Variants in ZNF521 observed in about 807,000 individuals in gnomAD.
The protein encoded by ZNF521 is zinc finger protein 521.
In ZNF521, 14 loss-of-function variants were observed where a neutral mutation model predicts 105.5. The ratio of observed to expected loss-of-function variants is 0.13; its 90% CI spans 0.09 to 0.21. The LOEUF is 0.21. Among genes scored for constraint, ZNF521 ranks in the 10% least tolerant of loss-of-function variants. ZNF521 has a pLI of 1.00. For synonymous variants in ZNF521, 635 were observed against 606.0 expected, an observed-to-expected ratio of 1.05 and a Z score of -0.70; for missense variants, 1,233 against 1,629.7, an observed-to-expected ratio of 0.76 and a Z score of 4.19.
chr18:25,349,195 A>C (rs1914591920), intron 2 of ZNF521, among the ~76,000 whole-genome samples: 1 of 152,122 alleles, frequency 6.6e-6, no homozygotes, highest in African/African-American at 2.4e-5. Context: ...AGTGACTAGG[A>C]AGAGGTTTGT....
intron 5 of ZNF521, among the ~76,000 whole-genome samples, chr18:25,117,532 A>G (rs534669504): frequency 2.0e-5 from 3 of 152,302 alleles, no homozygotes; most frequent in Non-Finnish European, 2.9e-5. Context: ...ATAAAGGAAA[A>G]TATATTCTTC....
chr18:25,267,099 G>A (rs1228494775), intron 3 of ZNF521, among the ~76,000 whole-genome samples: 1 of 152,088 alleles, frequency 6.6e-6, no homozygotes, highest in South Asian at 2.1e-4. Flanking sequence ...GGGGAGGGGC[G>A]TCCGCCATTG....
intron 5 of ZNF521, among the ~76,000 whole-genome samples, chr18:25,119,940 G>A (rs2034401307): frequency 6.6e-6 from 1 of 152,052 alleles, no homozygotes; most frequent in East Asian, 1.9e-4. Flanking sequence ...CTGATTGGAA[G>A]AAAAGACAGT....
chr18:25,193,584 T>C (rs1209814595), intron 5 of ZNF521, among the ~76,000 whole-genome samples: 1 of 152,002 alleles, frequency 6.6e-6, no homozygotes, highest in African/African-American at 2.4e-5. Flanking sequence ...CATTTATCAT[T>C]TGGCAGGAAT....
At chr18:25,126,411 TA>T (rs1476755657) in intron 5 of ZNF521, among the ~76,000 whole-genome samples, 10 of 152,116 alleles carry the variant, frequency 6.6e-5, no homozygotes, top group South Asian at 2.1e-4. Context: ...TTATTCCACA[TA>T]AAAAGAGGGA....
chr18:25,306,042 C>G (rs1315595529), intron 3 of ZNF521, among the ~76,000 whole-genome samples: 1 of 152,224 alleles, frequency 6.6e-6, no homozygotes, highest in African/African-American at 2.4e-5. Flanking sequence ...TTTGGGAGAA[C>G]TGAGATTTGC....
chr18:25,226,873 C>T lies in ZNF521; in HGVS notation c.1045G>A (p.Val349Met). The change falls in exon 4 of 8, where the codon GTG (valine) becomes ATG (methionine). Residue 349 changes from valine (V) to methionine (M), a missense_variant. Val to Met is a conservative substitution (Grantham distance 21). Around this residue, in one of 6 missense-constraint regions of ZNF521, gnomAD observed 380 missense variants for 478.0 expected, o/e 0.80. Coordinates refer to ENST00000361524, the MANE Select transcript of ZNF521 (RefSeq NM_015461.3). The surrounding 1 kb of genome is among the most constrained non-coding windows in gnomAD (Gnocchi z 4.1). The part of the protein sequence containing the change: ...NHSNSPSLVT[V>M]GYTSVSSTTP... ...GTACTGGACACGGAGGTATAGCCCACCGTGACCAGGGAAGGGCTGTTGCTG... is the reference window on the plus strand; with the variant it reads ...GTACTGGACACGGAGGTATAGCCCATCGTGACCAGGGAAGGGCTGTTGCTG... The T allele has an allele frequency of 6.2e-7, 1 of 1,613,998 alleles. No individual in the cohort carries two copies. Among genetic ancestry groups the T allele is most frequent in the Non-Finnish European group, 8.5e-7 (1 of 1,179,992 alleles).
At chr18:25,250,678 G>A (rs76507785) in intron 3 of ZNF521, among the ~76,000 whole-genome samples, 5 of 152,116 alleles carry the variant, frequency 3.3e-5, no homozygotes, top group Admixed American at 3.3e-4. Flanking sequence ...AAAAATGCCC[G>A]AGAATTTAGG....
rs1906166321 is a variant in ZNF521 at position 25,226,730 on chromosome 18, G to A, written c.1188C>T (p.Pro396=). Residue 396 remains proline (P), a synonymous_variant, in exon 4 of 8, where the codon CCC becomes CCT. Coordinates refer to ENST00000361524, the MANE Select transcript of ZNF521 (RefSeq NM_015461.3). The surrounding 1 kb of genome is among the most constrained non-coding windows in gnomAD (Gnocchi z 4.1). ...AGGTAACTTTTGCTTGTTTACTCGA[G>A]GGACCAGTCATGTCAGGGGTTTGTT... ...AAQQTPDMTG[P]SSKQAKVTYS... 6.2e-7 allele frequency: 1 copy of A among 1,614,116 alleles called. No homozygotes were observed. Among genetic ancestry groups the A allele is most frequent in the African/African-American group, 1.3e-5 (1 of 75,020 alleles).
intron 5 of ZNF521, among the ~76,000 whole-genome samples, chr18:25,095,126 C>CA (rs1037548084): frequency 6.6e-6 from 1 of 152,046 alleles, no homozygotes; most frequent in African/African-American, 2.4e-5. Flanking sequence ...CATCTCTTTT[C>CA]AAAACTCTCC....
chr18:25,189,186 T>C (rs1041877266), intron 5 of ZNF521, among the ~76,000 whole-genome samples: 1 of 152,210 alleles, frequency 6.6e-6, no homozygotes, highest in African/African-American at 2.4e-5. Flanking sequence ...GAGTTTCTTT[T>C]AAATTGTCTT....
Position 25,285,063 on chromosome 18 carries a change from GA to G in ZNF521, c.220+36944del, listed in dbSNP as rs746463852. 2.1e-3 allele frequency among the ~76,000 whole-genome samples: 269 copies of G among 130,524 alleles called. 1 individual carries two copies. The highest frequency in any genetic ancestry group is 5.9e-3 in the East Asian group (26 of 4,416). 85.6% of individuals were successfully genotyped at this position (130,524 alleles called of 152,430 possible). A position where few individuals can be genotyped will look rare whatever the true frequency, so the allele number is the denominator to read the frequency against. ...AAGCTGAAGGAGTGGCCAGAAAAGGGAAAAAAAAAAAAAACACTTCAACCCA... is the reference window on the plus strand; with the variant it reads ...AAGCTGAAGGAGTGGCCAGAAAAGGGAAAAAAAAAAAAACACTTCAACCCA... On this transcript the variant is annotated intron_variant, in intron 3 of 7. Transcript: ENST00000361524.
intron 5 of ZNF521, among the ~76,000 whole-genome samples, chr18:25,114,091 T>A (rs749519083): frequency 1.3e-5 from 2 of 152,190 alleles, no homozygotes; most frequent in African/African-American, 2.4e-5. Flanking sequence ...TGCCTAGCTC[T>A]GCTAGAAATA....
intron 3 of ZNF521, among the ~76,000 whole-genome samples, chr18:25,256,790 G>A (rs1908540701): frequency 6.6e-6 from 1 of 151,268 alleles, no homozygotes. Flanking sequence ...ATACAAGTGT[G>A]TGTGCAGCTG....
chr18:25,100,877 A>G (rs1425486509), intron 5 of ZNF521, among the ~76,000 whole-genome samples: 1 of 152,172 alleles, frequency 6.6e-6, no homozygotes, highest in African/African-American at 2.4e-5. Flanking sequence ...ATTGTAATTA[A>G]GGCCACTAGT....
chr18:25,245,155 G>T lies in ZNF521; in HGVS notation c.221-17458C>A, dbSNP rs530314147. Among the ~76,000 whole-genome samples the T allele has an allele frequency of 2.6e-5, 4 of 152,326 alleles. No homozygotes were observed. The East Asian group carries it at 7.7e-4, about 29-fold the overall frequency. ...GCCTCAGCATTCCTGTTCTGAGGAA[G>T]AGAGTTTTAAAAATCCCATTAATTT... On this transcript the variant is annotated intron_variant, in intron 3 of 7. Coordinates refer to ENST00000361524, the MANE Select transcript of ZNF521 (RefSeq NM_015461.3).
chr18:25,245,121 G>C (rs923192713), intron 3 of ZNF521, among the ~76,000 whole-genome samples: 2 of 152,168 alleles, frequency 1.3e-5, no homozygotes, highest in Non-Finnish European at 2.9e-5. Context: ...ATTTTTGCAA[G>C]GTTGTTTAGC....
At chr18:25,311,771 T>C (rs1409056269) in intron 3 of ZNF521, among the ~76,000 whole-genome samples, 1 of 152,226 alleles carries the variant, frequency 6.6e-6, no homozygotes, top group South Asian at 2.1e-4. Flanking sequence ...AAATGAATCC[T>C]GAAACCACAG....
chr18:25,140,509 G>C (rs1046646604), intron 5 of ZNF521, among the ~76,000 whole-genome samples: 3 of 152,124 alleles, frequency 2.0e-5, no homozygotes, highest in African/African-American at 7.2e-5. Context: ...TGTTAAAACT[G>C]ACACCATTGG....
Sources: allele counts gnomAD v4.1 joint callset (sites outside exome capture counted in the v4.1 genomes callset), GRCh38; gene constraint gnomAD v4.1.1; regional missense constraint gnomAD v4.1.1; non-coding constraint Gnocchi (gnomAD v3.1); transcripts MANE v1.5; gene names NCBI Gene and HGNC (gene_info 2026-07-23, HGNC 2026-07-21).